Variants in TAF4 observed in about 807,000 individuals in gnomAD.
TAF4 encodes the protein transcription initiation factor TFIID subunit 4.
Under a neutral mutation model 90.3 loss-of-function variants are expected in TAF4, and 9 were observed. The ratio of observed to expected loss-of-function variants is 0.10; its 90% CI spans 0.06 to 0.17. TAF4 has a LOEUF of 0.17. Among genes scored for constraint, TAF4 ranks in the 10% least tolerant of loss-of-function variants. The pLI is 1.00. For synonymous variants in TAF4, 818 were observed against 638.9 expected (o/e 1.28, Z -4.23); for missense variants, 1,351 against 1,370.7 (o/e 0.99, Z 0.23).
intron 1 of TAF4, among the ~76,000 whole-genome samples, chr20:62,026,058 C>T (rs1390390619): frequency 6.6e-6 from 1 of 152,204 alleles, no homozygotes; most frequent in African/African-American, 2.4e-5. Flanking sequence ...GAAAAAGGTA[C>T]AACCCTCCCG....
intron 9 of TAF4, among the ~76,000 whole-genome samples, chr20:62,002,139 C>G (rs1402737428): frequency 6.6e-6 from 1 of 152,216 alleles, no homozygotes; most frequent in African/African-American, 2.4e-5. Context: ...TTCCTGCAGC[C>G]TTGATTAATT....
chr20:62,062,401 C>CT (rs1011987289), intron 1 of TAF4, among the ~76,000 whole-genome samples: 41 of 147,116 alleles, frequency 2.8e-4, no homozygotes, highest in African/African-American at 4.0e-4. Context: ...TTTATTGATA[C>CT]TTTTTTTTTT....
intron 12 of TAF4, 86 bp from the exon 13 acceptor site, chr20:61,998,278 A>C: frequency 7.3e-7 from 1 of 1,374,828 alleles, no homozygotes; most frequent in Non-Finnish European, 1.0e-6. Context: ...TTTACTATAC[A>C]ATAACATCTA....
intron 1 of TAF4, among the ~76,000 whole-genome samples, chr20:62,055,839 A>G (rs2056060322): frequency 6.6e-6 from 1 of 152,002 alleles, no homozygotes; most frequent in Non-Finnish European, 1.5e-5. Flanking sequence ...GGCCCCCACA[A>G]CGGACACACC....
rs1156532036 is a variant in TAF4 at position 62,012,818 on chromosome 20, G to T, written c.1638C>A (p.Val546=). The T allele has an allele frequency of 2.5e-6, 4 of 1,611,444 alleles. No homozygotes were observed. The highest frequency in any genetic ancestry group is 1.3e-5 in the African/African-American group (1 of 74,776). ...GATCCGCCGCCTGCCCTCTCACCTG[G>T]ACGCCGGGCGAGCGCTGCAGGGTTG... ...PSATLQRSPG[V]QPQLVLGGAA... Residue 546 remains valine, a synonymous_variant, in exon 3 of 15, where the codon GTC becomes GTA. Coordinates refer to ENST00000252996, the MANE Select transcript of TAF4 (RefSeq NM_003185.4).
Position 62,065,706 on chromosome 20 carries a change from G to T in TAF4, c.105C>A (p.Ala35=). ...LVGSLESQLA[A]SAAHHHHLAP... ...CGAGGTGGTGGTGGTGGGCCGCGCTGGCCGCCAGCTGCGACTCCAGCGAGC... is the reference window on the plus strand; with the variant it reads ...CGAGGTGGTGGTGGTGGGCCGCGCTTGCCGCCAGCTGCGACTCCAGCGAGC... Residue 35 remains alanine (A), a synonymous_variant, in exon 1 of 15, where the codon GCC becomes GCA. Coordinates refer to ENST00000252996, the MANE Select transcript of TAF4 (RefSeq NM_003185.4). The T allele has an allele frequency of 7.8e-7, 1 of 1,286,890 alleles. No individual in the cohort carries two copies. Among genetic ancestry groups the T allele is most frequent in the South Asian group, 1.5e-5 (1 of 68,128 alleles). 79.7% of individuals were successfully genotyped at this position (1,286,890 alleles called of 1,614,324 possible).
chr20:62,060,185 G>A (rs573757227), intron 1 of TAF4, among the ~76,000 whole-genome samples: 1 of 152,318 alleles, frequency 6.6e-6, no homozygotes, highest in South Asian at 2.1e-4. Context: ...TCTGCCCTGG[G>A]AGAAGGCCAA....
intron 7 of TAF4, among the ~76,000 whole-genome samples, chr20:62,004,310 T>C (rs2055728768): frequency 7.0e-6 from 1 of 142,486 alleles, no homozygotes; most frequent in Non-Finnish European, 1.5e-5. Context: ...ATCTGAATTT[T>C]CTTTTTTCTT....
At chr20:61,978,841 A>T (rs2055515745) in intron 14 of TAF4, 1 of 153,644 alleles carries the variant, frequency 6.5e-6, no homozygotes, top group African/African-American at 2.4e-5. Flanking sequence ...CTATGAATGA[A>T]CAATATAACT....
rs28382114 is a variant in TAF4, at chr20:61,999,116, G to T, written c.2788-8C>A. 2.8e-3 allele frequency: 4,588 copies of T among 1,613,742 alleles called. 113 individuals carry two copies. In the African/African-American group the frequency reaches 0.053, roughly 18 times the overall value. ...CTCATATCTGTCGTCATCCTATGAA[G>T]AAAGTTAAAATACTGCTTGTCATAA... On this transcript the variant is annotated splice_region_variant and splice_polypyrimidine_tract_variant and intron_variant, in intron 11 of 14. Coordinates refer to ENST00000252996, the MANE Select transcript of TAF4 (RefSeq NM_003185.4).
In TAF4 at chr20:61,998,352, T is replaced by A. The variant is rs1421022602; in HGVS notation, c.2914-160A>T. On this transcript the variant is annotated intron_variant, in intron 12 of 14. Transcript: ENST00000252996. ...TTATAGCCAAAGATGAAAATTTACA[T>A]CACACACCATGAAAAAAGCCAGTAA... is the stretch of plus-strand genomic sequence containing the variant. Among the ~76,000 whole-genome samples, 8 of 152,260 alleles carry A rather than the reference T, an allele frequency of 5.3e-5. No homozygotes were observed. The East Asian group carries it at 1.5e-3, about 29-fold the overall frequency.
chr20:62,054,592 T>TTCCTGCAACCTCCTCCACCAGGC (rs1215051594), intron 1 of TAF4, among the ~76,000 whole-genome samples: 12 of 152,120 alleles, frequency 7.9e-5, no homozygotes, highest in Admixed American at 6.5e-5. Flanking sequence ...TGGGCCACCC[T>TTCCTGCAACCTCCTCCACCAGGC]TCCTGCAACC....
At chr20:62,039,593 T>C (rs937098538) in intron 1 of TAF4, among the ~76,000 whole-genome samples, 2 of 152,202 alleles carry the variant, frequency 1.3e-5, no homozygotes, top group Non-Finnish European at 2.9e-5. Context: ...ATTCTTAAAA[T>C]GATACACTGG....
intron 1 of TAF4, among the ~76,000 whole-genome samples, chr20:62,052,294 G>A (rs1335993858): frequency 2.0e-5 from 3 of 151,212 alleles, no homozygotes; most frequent in Admixed American, 6.6e-5. Context: ...CAAATGGGGC[G>A]CACTTTGTTT....
At chr20:62,055,587 G>A (rs1390857103) in intron 1 of TAF4, among the ~76,000 whole-genome samples, 3 of 152,178 alleles carry the variant, frequency 2.0e-5, no homozygotes, top group Non-Finnish European at 4.4e-5. Context: ...CTGTGTACAG[G>A]CAGCCCTACA....
Position 62,051,238 on chromosome 20 carries a change from G to A in TAF4, c.1360+13213C>T, listed in dbSNP as rs141499988. On this transcript the variant is annotated intron_variant, in intron 1 of 14. Coordinates refer to ENST00000252996, the MANE Select transcript of TAF4 (RefSeq NM_003185.4). ...CTTGGGAGGGTTCCAGCGAGGCCCC[G>A]GCCTGCGCCCCAGCCAGTCACAGAG... 3.1e-3 allele frequency among the ~76,000 whole-genome samples: 467 copies of A among 152,258 alleles called. 5 individuals carry two copies. Among genetic ancestry groups the A allele is most frequent in the Middle Eastern group, 0.017 (5 of 294 alleles).
Position 62,006,628 on chromosome 20 carries a change from A to T in TAF4, c.2105T>A (p.Val702Asp). 6.2e-7 allele frequency: 1 copy of T among 1,605,170 alleles called. No individual in the cohort carries two copies. The highest frequency in any genetic ancestry group is 1.1e-5 in the South Asian group (1 of 90,252). The change falls in exon 7 of 15, where the codon GTC becomes GAC. Residue 702 changes from valine (V) to aspartate (D), a missense_variant. Val to Asp is a radical substitution (Grantham distance 152). This residue lies in a region of TAF4 where 202 missense variants were observed against 229.7 expected (regional missense o/e 0.88). Coordinates refer to ENST00000252996, the MANE Select transcript of TAF4 (RefSeq NM_003185.4). The surrounding 1 kb of genome is among the most constrained non-coding windows in gnomAD (Gnocchi z 7.0). ...CGCCGTCTTCCCGGCCGTGCGCTGG[A>T]CCGAGCTACTCAGCACCACGGCCGT... ...ALTAVVLSSS[V>D]QRTAGKTAAT...
chr20:62,055,845 A>C (rs1211715317), intron 1 of TAF4, among the ~76,000 whole-genome samples: 1 of 152,168 alleles, frequency 6.6e-6, no homozygotes, highest in Non-Finnish European at 1.5e-5. Flanking sequence ...CACAACGGAC[A>C]CACCATGAAA....
rs1421569330 is a variant in TAF4, at chr20:62,065,334, CTTGGCGGGGCCGGCGGGG to C, written c.459_476del (p.Lys159_Ala164del). The C allele has an allele frequency of 1.1e-6, 1 of 943,308 alleles. No homozygotes were observed. The highest frequency in any genetic ancestry group is 2.0e-5 in the African/African-American group (1 of 50,460). 58.4% of individuals were successfully genotyped at this position (943,308 alleles called of 1,614,324 possible). On this transcript the variant is annotated inframe_deletion, in exon 1 of 15. Coordinates refer to ENST00000252996, the MANE Select transcript of TAF4 (RefSeq NM_003185.4). ...CGGCCAGCGCGGCGGGGCCGGCGGG[CTTGGCGGGGCCGGCGGGG>C]GCGGGCTCGGGCCCCGCGGCGACGG...
Sources: gnomAD v4.1 joint callset for allele counts (sites outside exome capture counted in the v4.1 genomes callset) on GRCh38, gnomAD v4.1.1 for gene constraint, gnomAD v4.1.1 regional missense constraint, Gnocchi (gnomAD v3.1) non-coding constraint, MANE v1.5 for transcripts, NCBI Gene and HGNC (gene_info 2026-07-23, HGNC 2026-07-21) for gene names.